USP28: variants seen among roughly 807,000 people sequenced by gnomAD.
USP28 encodes the protein ubiquitin carboxyl-terminal hydrolase 28.
USP28 carries 113 observed loss-of-function variants against 145.0 expected under a neutral mutation model. That is an observed-to-expected ratio of 0.78 (90% CI 0.67 to 0.91). The LOEUF is 0.91. USP28 is among the 40% of genes least tolerant of loss of function. The pLI, the probability that USP28 is intolerant of heterozygous loss-of-function variation, is 0.00. For synonymous variants in USP28, 447 were observed against 450.9 expected, an observed-to-expected ratio of 0.99 and a Z score of 0.11; for missense variants, 1,201 against 1,289.6, an observed-to-expected ratio of 0.93 and a Z score of 1.05.
chr11:113,837,197 G>C (rs571292019), intron 5 of USP28, among the ~76,000 whole-genome samples: 1 of 152,256 alleles, frequency 6.6e-6, no homozygotes, highest in East Asian at 1.9e-4. Flanking sequence ...TTAGTTTACT[G>C]TTCATTTTCT....
At chr11:113,863,962 G>C (rs1259872838) in intron 1 of USP28, among the ~76,000 whole-genome samples, 1 of 149,392 alleles carries the variant, frequency 6.7e-6, no homozygotes, top group Non-Finnish European at 1.5e-5. Flanking sequence ...AAAATTGCTG[G>C]TCACGGTGGC....
rs139975171 is a variant in USP28, at chr11:113,849,365, C to T, written c.268+3136G>A. Among the ~76,000 whole-genome samples the T allele has an allele frequency of 3.9e-4, 59 of 152,256 alleles. 1 individual carries two copies. The East Asian group carries it at 9.1e-3, about 23-fold the overall frequency. The stretch of plus-strand genomic sequence containing the variant: ...ACAACATCCTATTTGGAAGGAAGGA[C>T]GCCAATGGGATCAAAGAAGGTAAAA... On this transcript the variant is annotated intron_variant, in intron 3 of 24. Coordinates refer to ENST00000003302, the Ensembl canonical transcript of USP28.
At chr11:113,819,533 G>C (rs1028376599) in intron 12 of USP28, among the ~76,000 whole-genome samples, 1 of 151,950 alleles carries the variant, frequency 6.6e-6, no homozygotes, top group Non-Finnish European at 1.5e-5. Flanking sequence ...ACTACCTAAT[G>C]GTATCCATTA....
chr11:113,827,499 T>C (rs1943514486), intron 10 of USP28, 139 bp from the exon 11 acceptor site: 2 of 770,996 alleles, frequency 2.6e-6, no homozygotes, highest in African/African-American at 1.8e-5. Context: ...ACTAGAACTT[T>C]TTTTTATCCC....
rs553613001 is a variant in USP28 at position 113,872,297 on chromosome 11, G to T, written c.57+3148C>A. 4.6e-5 allele frequency among the ~76,000 whole-genome samples: 7 copies of T among 152,046 alleles called. No homozygotes were observed. In the South Asian group the frequency reaches 1.5e-3, roughly 32 times the overall value. On this transcript the variant is annotated intron_variant, in intron 1 of 24. Transcript: ENST00000003302. ...GTCAGGAGATCGAGACCATCCTGGCGAACACTGTGAAACCCCGTCTCTACT... is the reference window on the plus strand; with the variant it reads ...GTCAGGAGATCGAGACCATCCTGGCTAACACTGTGAAACCCCGTCTCTACT...
intron 11 of USP28, 92 bp downstream of exon 11, chr11:113,827,141 C>T (rs770436281): frequency 6.9e-7 from 1 of 1,446,000 alleles, no homozygotes; most frequent in Non-Finnish European, 9.2e-7. Flanking sequence ...TATCATGTCT[C>T]CCAGGTGATT....
chr11:113,845,764 AG>A (rs1391168418), intron 3 of USP28, among the ~76,000 whole-genome samples: 1 of 152,204 alleles, frequency 6.6e-6, no homozygotes, highest in Non-Finnish European at 1.5e-5. Context: ...TTGTAGAGAC[AG>A]GGATTCACCA....
At chr11:113,802,157 A>G (rs919920279) in intron 23 of USP28, among the ~76,000 whole-genome samples, 2 of 152,176 alleles carry the variant, frequency 1.3e-5, no homozygotes, top group Non-Finnish European at 2.9e-5. Context: ...TCAATAATGG[A>G]AAGAGTCTAA....
At chr11:113,866,291 T>C (rs1443203606) in intron 1 of USP28, among the ~76,000 whole-genome samples, 3 of 151,696 alleles carry the variant, frequency 2.0e-5, no homozygotes, top group African/African-American at 7.3e-5. Context: ...GACTCTGTCT[T>C]GGGGAAAAAA....
chr11:113,807,353 C>T (rs890347449), intron 18 of USP28, among the ~76,000 whole-genome samples: 2 of 151,140 alleles, frequency 1.3e-5, no homozygotes, highest in South Asian at 4.2e-4. Flanking sequence ...GGATTATAGG[C>T]GTAAACCTCC....
intron 5 of USP28, among the ~76,000 whole-genome samples, chr11:113,839,607 C>T (rs919646782): frequency 6.6e-6 from 1 of 151,920 alleles, no homozygotes; most frequent in Admixed American, 6.6e-5. Flanking sequence ...GAAGACATTG[C>T]GCCAGGTGCA....
exon 5 of USP28, chr11:113,840,756 T>C (rs763226974): frequency 1.9e-6 from 3 of 1,613,878 alleles, no homozygotes; most frequent in Admixed American, 3.3e-5. Flanking sequence ...GCTTCATGCA[T>C]CCTATATTGT....
intron 15 of USP28, among the ~76,000 whole-genome samples, chr11:113,813,249 A>G (rs193154023): frequency 8.5e-4 from 129 of 152,274 alleles, no homozygotes; most frequent in African/African-American, 3.0e-3. Flanking sequence ...AAGCAATGGG[A>G]CTGTGCCTCA....
intron 1 of USP28, among the ~76,000 whole-genome samples, chr11:113,855,296 T>C (rs1245823630): frequency 6.6e-6 from 1 of 152,224 alleles, no homozygotes; most frequent in Non-Finnish European, 1.5e-5. Context: ...TATCATTTTA[T>C]CCTGTTTTAC....
intron 14 of USP28, 116 bp from the exon 15 acceptor site, chr11:113,814,071 T>C: frequency 1.4e-6 from 1 of 719,446 alleles, no homozygotes; most frequent in Non-Finnish European, 2.3e-6. Context: ...AGCTTCCCTC[T>C]ATGAACCACG....
In USP28 at chr11:113,837,360, G is replaced by A. The variant is rs1198787054; in HGVS notation, c.535-3025C>T. Among the ~76,000 whole-genome samples, 8 of 152,104 alleles carry A rather than the reference G, an allele frequency of 5.3e-5. No homozygotes were observed. In the East Asian group the frequency reaches 9.6e-4, roughly 18 times the overall value. ...CATGCATCCAGTATGGAGATCTCTC[G>A]GCTTCTTGGGCATCCCATCTCTAGT... On this transcript the variant is annotated intron_variant, in intron 5 of 24. Coordinates refer to ENST00000003302, the Ensembl canonical transcript of USP28.
Position 113,803,065 on chromosome 11 carries a change from A to G in USP28, c.2862+93T>C, listed in dbSNP as rs1939325197. On this transcript the variant is annotated intron_variant, in intron 23 of 24. Transcript: ENST00000003302. The stretch of plus-strand genomic sequence containing the variant: ...TGGGGGGAAATCTACAACCTGTTGG[A>G]GATAGTCTGTTTTGAAAGCCATATA... The G allele has an allele frequency of 2.2e-6, 3 of 1,361,046 alleles. No individual in the cohort carries two copies. In the South Asian group the frequency reaches 5.6e-5, roughly 25 times the overall value. The allele number at this position is 1,361,046 out of a possible 1,614,324, so 84.3% of individuals were successfully genotyped here. A position where few individuals can be genotyped will look rare whatever the true frequency, so the allele number is the denominator to read the frequency against.
At chr11:113,832,511 T>TGTA (rs1197095952) in intron 7 of USP28, among the ~76,000 whole-genome samples, 1 of 152,190 alleles carries the variant, frequency 6.6e-6, no homozygotes, top group African/African-American at 2.4e-5. Context: ...ACCTGAAAGT[T>TGTA]GTAGCTAGAA....
chr11:113,806,425 G>A lies in USP28; in HGVS notation c.2400+64C>T, dbSNP rs149378882. 8 of 1,405,690 alleles carry A rather than the reference G, an allele frequency of 5.7e-6. No individual in the cohort carries two copies. In the African/African-American group the frequency reaches 1.1e-4, roughly 20 times the overall value. 87.1% of individuals were successfully genotyped at this position (1,405,690 alleles called of 1,614,324 possible). ...TAACCCCATTTTTTCCCTTCTTATA[G>A]AATTATTTCCCCAATATTATGATGC... On this transcript the variant is annotated intron_variant, in intron 19 of 24. Transcript: ENST00000003302.
Sources: gnomAD v4.1 joint callset for allele counts (sites outside exome capture counted in the v4.1 genomes callset) on GRCh38, gnomAD v4.1.1 for gene constraint, MANE v1.5 for transcripts, NCBI Gene and HGNC (gene_info 2026-07-23, HGNC 2026-07-21) for gene names.